Variants in IL1R2 observed in about 807,000 individuals in gnomAD.
IL1R2 encodes the protein interleukin 1 receptor type 2, also known as interleukin-1 receptor type 2.
A neutral mutation model predicts 39.5 loss-of-function variants in IL1R2; 46 were observed. The ratio of observed to expected loss-of-function variants is 1.16; its 90% CI spans 0.92 to 1.49. The LOEUF (loss-of-function observed/expected upper bound fraction) is 1.49, where lower values mean the gene tolerates loss of function less well. Among genes scored for constraint, IL1R2 ranks in the 40% most tolerant of loss-of-function variants. The pLI is 0.00. For missense variants in IL1R2, 537 were observed against 502.0 expected (o/e 1.07, Z -0.67); for synonymous variants, 207 against 189.6 (o/e 1.09, Z -0.75).
At chr2:102,008,061 G>C (rs1207200468) in intron 1 of IL1R2, among the ~76,000 whole-genome samples, 6 of 152,196 alleles carry the variant, frequency 3.9e-5, no homozygotes. Context: ...GGCTGATGAT[G>C]AATGCCACAG....
chr2:102,010,111 G>A, intron 3 of IL1R2: 1 of 424,308 alleles, frequency 2.4e-6, no homozygotes, highest in Non-Finnish European at 4.3e-6. Context: ...TAGTTTCCTT[G>A]CGATAAGATT....
chr2:102,006,882 G>A (rs1015781457), intron 1 of IL1R2, among the ~76,000 whole-genome samples: 2 of 152,224 alleles, frequency 1.3e-5, no homozygotes, highest in East Asian at 1.9e-4. Flanking sequence ...TCCCAGTGTG[G>A]CCTCGTGTGT....
chr2:102,024,006 C>T (rs1221810754), intron 6 of IL1R2, among the ~76,000 whole-genome samples: 1 of 151,454 alleles, frequency 6.6e-6, no homozygotes, highest in African/African-American at 2.4e-5. Flanking sequence ...CCGAGATCGC[C>T]CCACCGCACT....
chr2:101,995,224 C>T (rs775966088), intron 1 of IL1R2, among the ~76,000 whole-genome samples: 5 of 152,152 alleles, frequency 3.3e-5, no homozygotes, highest in Non-Finnish European at 5.9e-5. Flanking sequence ...CCTGACATAA[C>T]CAGGTGAGCT....
intron 3 of IL1R2, chr2:102,010,088 C>A: frequency 2.0e-6 from 1 of 495,978 alleles, no homozygotes; most frequent in Non-Finnish European, 3.6e-6. Flanking sequence ...GTCACTCTCT[C>A]CTTACCCTGC....
At chr2:102,023,226 G>A (rs2150459292) in intron 6 of IL1R2, among the ~76,000 whole-genome samples, 1 of 152,368 alleles carries the variant, frequency 6.6e-6, no homozygotes, top group South Asian at 2.1e-4. Context: ...AGGCCATAGA[G>A]GAGGAGGGCT....
At chr2:102,003,646 CTGGCTG>C (rs1291365580) in intron 1 of IL1R2, among the ~76,000 whole-genome samples, 2 of 128,286 alleles carry the variant, frequency 1.6e-5, no homozygotes, top group South Asian at 2.9e-4. Flanking sequence ...GTGTCTGTGT[CTGGCTG>C]TGGCTGTGGC....
chr2:102,008,650 G>T lies in IL1R2; in HGVS notation c.67+8G>T. On this transcript the variant is annotated splice_region_variant and intron_variant, in intron 2 of 8. Transcript: ENST00000332549. ...AGCCTGCGGCACACACAGGTTAGAA[G>T]TAAACCTTTCAGATGCAAAAAGGCT... is the stretch of plus-strand genomic sequence containing the variant. 1.9e-6 allele frequency: 3 copies of T among 1,612,378 alleles called. No homozygotes were observed. Among genetic ancestry groups the T allele is most frequent in the South Asian group, 1.1e-5 (1 of 91,022 alleles).
intron 1 of IL1R2, among the ~76,000 whole-genome samples, chr2:101,994,055 G>A (rs950644825): frequency 2.6e-5 from 4 of 152,144 alleles, no homozygotes; most frequent in African/African-American, 9.7e-5. Context: ...CACAGACACG[G>A]GAGAGTGCCT....
intron 1 of IL1R2, among the ~76,000 whole-genome samples, chr2:102,003,075 G>T (rs964562792): frequency 3.4e-5 from 2 of 59,008 alleles, no homozygotes; most frequent in East Asian, 4.4e-4. Flanking sequence ...TCTGGCTGTG[G>T]CTGTGTCCGT....
At chr2:102,016,967 G>T (rs1232371932) in intron 4 of IL1R2, among the ~76,000 whole-genome samples, 3 of 152,216 alleles carry the variant, frequency 2.0e-5, no homozygotes, top group East Asian at 1.9e-4. Flanking sequence ...GTTGAGTAAA[G>T]GTACTTGAAA....
At chr2:102,013,143 G>T (rs533359269) in intron 3 of IL1R2, among the ~76,000 whole-genome samples, 3 of 152,240 alleles carry the variant, frequency 2.0e-5, no homozygotes, top group Admixed American at 1.3e-4. Context: ...TTGTCTTAAA[G>T]TTTGCTTTTA....
At chr2:102,011,369 A>G (rs1242193471) in intron 3 of IL1R2, among the ~76,000 whole-genome samples, 2 of 152,212 alleles carry the variant, frequency 1.3e-5, no homozygotes, top group Admixed American at 6.5e-5. Flanking sequence ...GCCGACACTC[A>G]ATTTCTCTAC....
intron 6 of IL1R2, among the ~76,000 whole-genome samples, chr2:102,022,984 G>T (rs1379984372): frequency 6.6e-6 from 1 of 152,176 alleles, no homozygotes; most frequent in Non-Finnish European, 1.5e-5. Context: ...GCCACCCAGG[G>T]CATCACGTTG....
chr2:101,994,482 G>C (rs546556575), intron 1 of IL1R2, among the ~76,000 whole-genome samples: 4 of 152,182 alleles, frequency 2.6e-5, no homozygotes, highest in Non-Finnish European at 5.9e-5. Context: ...ACTTGAGCCC[G>C]CATCAGAATC....
chr2:102,023,023 A>G (rs1294029010), intron 6 of IL1R2, among the ~76,000 whole-genome samples: 1 of 152,242 alleles, frequency 6.6e-6, no homozygotes, highest in Non-Finnish European at 1.5e-5. Context: ...GGCCATGCTC[A>G]GAGTCAGGCT....
At chr2:101,999,296 C>G (rs1017460992) in intron 1 of IL1R2, among the ~76,000 whole-genome samples, 1 of 152,188 alleles carries the variant, frequency 6.6e-6, no homozygotes, top group South Asian at 2.1e-4. Context: ...AGACAGAAAG[C>G]AAAATTTGTT....
intron 1 of IL1R2, among the ~76,000 whole-genome samples, chr2:102,004,604 A>AGTTGTCT (rs1676152301): frequency 6.6e-6 from 1 of 152,104 alleles, no homozygotes; most frequent in Non-Finnish European, 1.5e-5. Context: ...AGAAATGTCA[A>AGTTGTCT]GTTGTCTGTG....
At chr2:101,992,316 C>CAGAG (rs1675376432) in intron 1 of IL1R2, among the ~76,000 whole-genome samples, 3 of 128,684 alleles carry the variant, frequency 2.3e-5, no homozygotes, top group African/African-American at 9.3e-5. Flanking sequence ...CAGAGAAAGA[C>CAGAG]AGAGACAGAG....
Sources: allele counts gnomAD v4.1 joint callset (sites outside exome capture counted in the v4.1 genomes callset), GRCh38; gene constraint gnomAD v4.1.1; transcripts MANE v1.5; gene names NCBI Gene and HGNC (gene_info 2026-07-23, HGNC 2026-07-21).